The following HEMK2 variants were observed in gnomAD, a reference collection of about 807,000 sequenced individuals.
HEMK2 encodes methyltransferase HEMK2.
chr21:28,789,265 C>T, the HEMK2 span, among the ~76,000 whole-genome samples: 1 of 152,050 alleles, frequency 6.6e-6, no homozygotes, highest in Admixed American at 6.6e-5. Context: ...ATTTTTAATG[C>T]CCTACTGCTT....
chr21:28,797,123 T>C, the HEMK2 span, among the ~76,000 whole-genome samples: 10 of 152,214 alleles, frequency 6.6e-5, no homozygotes, highest in Non-Finnish European at 1.5e-4. Context: ...CAAGATATTC[T>C]TGTTTTATGT....
the HEMK2 span, among the ~76,000 whole-genome samples, chr21:28,846,903 T>A: frequency 6.6e-6 from 1 of 152,188 alleles, no homozygotes; most frequent in Non-Finnish European, 1.5e-5. Context: ...TTTCTGTTCC[T>A]GCATTAGTTC....
At chr21:28,630,022 T>C in the HEMK2 span, among the ~76,000 whole-genome samples, 10 of 152,092 alleles carry the variant, frequency 6.6e-5, no homozygotes, top group Non-Finnish European at 1.5e-4. Flanking sequence ...AATTTGTGAG[T>C]ATGAGTATTA....
chr21:28,871,308 G>C, the HEMK2 span, among the ~76,000 whole-genome samples: 6 of 152,142 alleles, frequency 3.9e-5, no homozygotes, highest in African/African-American at 1.4e-4. Flanking sequence ...TTAAAATCAG[G>C]GCACAAGGTG....
At chr21:28,756,238 C>A in the HEMK2 span, among the ~76,000 whole-genome samples, 2 of 152,208 alleles carry the variant, frequency 1.3e-5, no homozygotes, top group South Asian at 4.1e-4. Flanking sequence ...AACCAACCAA[C>A]CTTAGCCAAC....
the HEMK2 span, among the ~76,000 whole-genome samples, chr21:28,682,650 G>C: frequency 3.3e-5 from 5 of 152,096 alleles, no homozygotes; most frequent in Admixed American, 2.0e-4. Flanking sequence ...TTGGAACCAA[G>C]CCAAATGTCC....
the HEMK2 span, among the ~76,000 whole-genome samples, chr21:28,855,991 C>CA: frequency 2.7e-5 from 4 of 146,966 alleles, no homozygotes; most frequent in Admixed American, 2.8e-4. Context: ...TAGCAGAAGA[C>CA]AAAAAATAAT....
chr21:28,678,426 C>T, the HEMK2 span, among the ~76,000 whole-genome samples: 4 of 152,270 alleles, frequency 2.6e-5, no homozygotes, highest in Admixed American at 6.5e-5. Flanking sequence ...GATTGGTGTA[C>T]CTGAAACTGA....
chr21:28,645,394 T>C, the HEMK2 span, among the ~76,000 whole-genome samples: 1 of 152,194 alleles, frequency 6.6e-6, no homozygotes, highest in Non-Finnish European at 1.5e-5. Flanking sequence ...TCCTGTTCAG[T>C]TATAGACTGC....
the HEMK2 span, among the ~76,000 whole-genome samples, chr21:28,682,548 C>G: frequency 5.9e-5 from 9 of 152,076 alleles, no homozygotes; most frequent in African/African-American, 2.2e-4. Context: ...CATCCCATTA[C>G]TGGGTATATA....
the HEMK2 span, among the ~76,000 whole-genome samples, chr21:28,632,246 T>A: frequency 1.3e-5 from 2 of 152,244 alleles, no homozygotes; most frequent in Non-Finnish European, 1.5e-5. Context: ...CAAACTTAAA[T>A]GTGCATACAA....
chr21:28,863,285 C>T, the HEMK2 span, among the ~76,000 whole-genome samples: 2 of 151,280 alleles, frequency 1.3e-5, no homozygotes, highest in South Asian at 2.1e-4. Context: ...GCTTCCTGCC[C>T]GTGAACGCGG....
the HEMK2 span, among the ~76,000 whole-genome samples, chr21:28,628,293 T>A: frequency 6.6e-6 from 1 of 152,164 alleles, no homozygotes; most frequent in African/African-American, 2.4e-5. Flanking sequence ...ATATCAAAAA[T>A]ATGGTGTTTT....
chr21:28,648,110 CT>C, the HEMK2 span, among the ~76,000 whole-genome samples: 2 of 152,234 alleles, frequency 1.3e-5, no homozygotes, highest in African/African-American at 4.8e-5. Flanking sequence ...TGCATACCTC[CT>C]TCCCATTCAG....
At chr21:28,691,682 A>T in the HEMK2 span, among the ~76,000 whole-genome samples, 1 of 148,490 alleles carries the variant, frequency 6.7e-6, no homozygotes, top group Non-Finnish European at 1.5e-5. Context: ...AAATTGGAAC[A>T]AACTCAAGTT....
chr21:28,655,537 A>G, the HEMK2 span, among the ~76,000 whole-genome samples: 1 of 152,098 alleles, frequency 6.6e-6, no homozygotes, highest in Non-Finnish European at 1.5e-5. Context: ...ACTGGTGGGT[A>G]AAACCTTGGA....
At chr21:28,792,644 G>A in the HEMK2 span, among the ~76,000 whole-genome samples, 1 of 152,164 alleles carries the variant, frequency 6.6e-6, no homozygotes, top group African/African-American at 2.4e-5. Flanking sequence ...ATTGTGAAAT[G>A]GTCTAACTCA....
chr21:28,587,179 A>C, the HEMK2 span, among the ~76,000 whole-genome samples: 129 of 78,062 alleles, frequency 1.7e-3, no homozygotes, highest in Non-Finnish European at 1.6e-3. Flanking sequence ...AATAAACAAA[A>C]AAAAAAAAAA....
At chr21:28,768,681 T>C in the HEMK2 span, among the ~76,000 whole-genome samples, 5 of 152,014 alleles carry the variant, frequency 3.3e-5, no homozygotes, top group Non-Finnish European at 2.9e-5. Context: ...TGAGTTCCTT[T>C]CCCTCCAGTT....
Sources: allele counts gnomAD v4.1 joint callset (sites outside exome capture counted in the v4.1 genomes callset), GRCh38; gene constraint gnomAD v4.1.1; transcripts MANE v1.5; gene names NCBI Gene and HGNC (gene_info 2026-07-23, HGNC 2026-07-21).